Variants in RNF150 observed in about 807,000 individuals in gnomAD.
The protein encoded by RNF150 is ring finger protein 150.
A neutral mutation model predicts 39.3 loss-of-function variants in RNF150; 24 were observed. The ratio of observed to expected loss-of-function variants is 0.61; its 90% CI spans 0.44 to 0.86. The LOEUF (loss-of-function observed/expected upper bound fraction) is 0.86, where lower values mean the gene tolerates loss of function less well. RNF150 is among the 40% of genes least tolerant of loss of function. RNF150 has a pLI of 0.00. For missense variants in RNF150, 502 were observed against 587.8 expected, an observed-to-expected ratio of 0.85 and a Z score of 1.51; for synonymous variants, 255 against 227.3, an observed-to-expected ratio of 1.12 and a Z score of -1.10.
chr4:141,175,030 T>C (rs934632007), intron 1 of RNF150, among the ~76,000 whole-genome samples: 1 of 152,168 alleles, frequency 6.6e-6, no homozygotes, highest in African/African-American at 2.4e-5. Flanking sequence ...TGTTAGATGA[T>C]GGAAGCCAGA....
intron 1 of RNF150, among the ~76,000 whole-genome samples, chr4:141,107,283 A>T (rs1355373407): frequency 6.6e-6 from 1 of 152,198 alleles, no homozygotes; most frequent in Non-Finnish European, 1.5e-5. Context: ...CTTTTATAGC[A>T]TTTTTTATAT....
chr4:141,028,361 G>A (rs151145990), intron 1 of RNF150, among the ~76,000 whole-genome samples: 2 of 152,242 alleles, frequency 1.3e-5, no homozygotes, highest in Non-Finnish European at 1.5e-5. Context: ...TTAAGGACTG[G>A]AGCATATCTC....
At chr4:140,913,636 A>G (rs1040935938) in intron 5 of RNF150, among the ~76,000 whole-genome samples, 1 of 152,154 alleles carries the variant, frequency 6.6e-6, no homozygotes, top group African/African-American at 2.4e-5. Context: ...TTCATAAGGT[A>G]CTTCTCCCAT....
intron 6 of RNF150, among the ~76,000 whole-genome samples, chr4:140,892,697 C>T (rs1293400726): frequency 7.3e-6 from 1 of 136,066 alleles, no homozygotes; most frequent in Non-Finnish European, 1.5e-5. Flanking sequence ...GGAGGGATGT[C>T]GGCGACTTCT....
At position 140,958,437 on chromosome 4, in the gene RNF150, TG is replaced by T. The variant is rs948368628; in HGVS notation, c.736-9066del. On this transcript the variant is annotated intron_variant, in intron 2 of 6. Coordinates refer to ENST00000515673, the MANE Select transcript of RNF150 (RefSeq NM_020724.2). Reference sequence around the variant, plus strand: ...CCTGGGTTAGGTCTCTGCACCTCAATGCCATTGAGGTGGCTTCGTCTGGTGG... The same window carrying T: ...CCTGGGTTAGGTCTCTGCACCTCAATCCATTGAGGTGGCTTCGTCTGGTGG... 9.2e-5 allele frequency among the ~76,000 whole-genome samples: 14 copies of T among 152,160 alleles called. 1 individual carries two copies. Among genetic ancestry groups the T allele is most frequent in the African/African-American group, 3.1e-4 (13 of 41,444 alleles).
chr4:141,143,653 G>A (rs1468151003), intron 1 of RNF150, among the ~76,000 whole-genome samples: 5 of 152,112 alleles, frequency 3.3e-5, no homozygotes, highest in African/African-American at 7.2e-5. Flanking sequence ...TGCCTTTTCC[G>A]GTCTGCCCCT....
intron 1 of RNF150, among the ~76,000 whole-genome samples, chr4:140,976,242 C>A (rs1163552229): frequency 6.6e-6 from 1 of 152,048 alleles, no homozygotes; most frequent in African/African-American, 2.4e-5. Context: ...TTACTTCTAG[C>A]CCCATCACAT....
At position 140,949,318 on chromosome 4, in the gene RNF150, T is replaced by C. The variant is rs1327085856; in HGVS notation, c.790A>G (p.Ile264Val). The C allele has an allele frequency of 5.0e-6, 8 of 1,611,942 alleles. No individual in the cohort carries two copies. Among genetic ancestry groups the C allele is most frequent in the Non-Finnish European group, 6.8e-6 (8 of 1,178,834 alleles). ...GCTATTACCTTGTCACCCTTCTTGATGGTCCTGATCTGGAGTTTGCTGATG... is the reference window on the plus strand; with the variant it reads ...GCTATTACCTTGTCACCCTTCTTGACGGTCCTGATCTGGAGTTTGCTGATG... Reference protein sequence around the residue: ...KAISKLQIRTIKKGDKETESD... With the variant: ...KAISKLQIRTVKKGDKETESD... Residue 264 changes from isoleucine (I) to valine (V), a missense_variant, in exon 3 of 7, where the codon ATC becomes GTC. Ile to Val is a conservative substitution (Grantham distance 29). Coordinates refer to ENST00000515673, the MANE Select transcript of RNF150 (RefSeq NM_020724.2).
rs769528153 is a variant in RNF150, at chr4:140,888,883, A to G, written c.1199-20504T>C. Among the ~76,000 whole-genome samples the G allele has an allele frequency of 9.8e-5, 15 of 152,354 alleles. No individual in the cohort carries two copies. The South Asian group carries it at 1.0e-3, about 11-fold the overall frequency. On this transcript the variant is annotated intron_variant, in intron 6 of 6. Transcript: ENST00000515673. ...AAAGTAGGCTATTGGTGATCATGAT[A>G]AAGTTGAAGCTATTTAGTTGTTCAT...
intron 4 of RNF150, among the ~76,000 whole-genome samples, chr4:140,938,658 T>C (rs1490400612): frequency 6.6e-6 from 1 of 152,194 alleles, no homozygotes; most frequent in Non-Finnish European, 1.5e-5. Context: ...TAAACCTTAC[T>C]AAATCAATTT....
chr4:141,108,117 G>C (rs912180752), intron 1 of RNF150, among the ~76,000 whole-genome samples: 1 of 152,192 alleles, frequency 6.6e-6, no homozygotes, highest in African/African-American at 2.4e-5. Context: ...GAAATGGTGT[G>C]AAAGCACTCT....
chr4:141,025,255 C>T (rs139246355), intron 1 of RNF150, among the ~76,000 whole-genome samples: 415 of 151,964 alleles, frequency 2.7e-3, no homozygotes, highest in African/African-American at 9.7e-3. Flanking sequence ...AAACAAATAA[C>T]CAAATTGTAC....
chr4:140,979,737 G>C (rs1339038825), intron 1 of RNF150, among the ~76,000 whole-genome samples: 1 of 152,014 alleles, frequency 6.6e-6, no homozygotes, highest in African/African-American at 2.4e-5. Flanking sequence ...AAAACAGCTG[G>C]GGACCATGAA....
chr4:141,049,411 T>C (rs1736697518), intron 1 of RNF150, among the ~76,000 whole-genome samples: 1 of 152,004 alleles, frequency 6.6e-6, no homozygotes, highest in South Asian at 2.1e-4. Flanking sequence ...AAAAAATATT[T>C]ATATGAACTA....
chr4:141,211,076 T>C (rs1728456741), intron 1 of RNF150, among the ~76,000 whole-genome samples: 1 of 152,204 alleles, frequency 6.6e-6, no homozygotes, highest in Non-Finnish European at 1.5e-5. Flanking sequence ...TGTCCTTGTC[T>C]TGGACTTCTT....
rs1013139994 is a variant in RNF150, at chr4:140,868,141, G to A, written c.*120C>T. Reference sequence around the variant, plus strand: ...TGCTTTTCGTCAGCATTCTTGAACGGAGCGCCCTGGAGTTGCCAAGGTGAT... The same window carrying A: ...TGCTTTTCGTCAGCATTCTTGAACGAAGCGCCCTGGAGTTGCCAAGGTGAT... On this transcript the variant is annotated 3_prime_UTR_variant, in exon 7 of 7. Coordinates refer to ENST00000515673, the MANE Select transcript of RNF150 (RefSeq NM_020724.2). 7 of 664,792 alleles carry A rather than the reference G, an allele frequency of 1.1e-5. No homozygotes were observed. The highest frequency in any genetic ancestry group is 1.9e-5 in the Non-Finnish European group (7 of 367,098). The allele number at this position is 664,792 out of a possible 1,614,324, so 41.2% of individuals were successfully genotyped here. A position where few individuals can be genotyped will look rare whatever the true frequency, so the allele number is the denominator to read the frequency against.
chr4:141,178,872 A>G lies in RNF150; in HGVS notation c.-6+33922T>C, dbSNP rs537436902. ...ATACTAGTGTTCTAGGAACACTAGA[A>G]TATGTGTTCCTACCACCTAGAATGC... is the stretch of plus-strand genomic sequence containing the variant. On this transcript the variant is annotated intron_variant, in intron 1 of 7. Transcript: ENST00000420921. Among the ~76,000 whole-genome samples, 10 of 152,158 alleles carry G rather than the reference A, an allele frequency of 6.6e-5. No homozygotes were observed. The East Asian group carries it at 1.7e-3, about 27-fold the overall frequency.
At chr4:140,957,103 T>C (rs1468181925) in intron 2 of RNF150, among the ~76,000 whole-genome samples, 3 of 149,292 alleles carry the variant, frequency 2.0e-5, no homozygotes, top group Non-Finnish European at 4.5e-5. Context: ...GAAACTACCA[T>C]CAGAGTGAAC....
At chr4:141,079,123 G>A (rs1304275556) in intron 1 of RNF150, among the ~76,000 whole-genome samples, 1 of 151,950 alleles carries the variant, frequency 6.6e-6, no homozygotes, top group Non-Finnish European at 1.5e-5. Flanking sequence ...GAAGAGATAT[G>A]CCCAATTCAC....
Sources: allele counts gnomAD v4.1 joint callset (sites outside exome capture counted in the v4.1 genomes callset), GRCh38; gene constraint gnomAD v4.1.1; transcripts MANE v1.5; gene names NCBI Gene and HGNC (gene_info 2026-07-23, HGNC 2026-07-21).